The following PTPRG variants were observed in gnomAD, a reference collection of about 807,000 sequenced individuals.
The protein encoded by PTPRG is protein tyrosine phosphatase receptor type G.
Under a neutral mutation model 165.3 loss-of-function variants are expected in PTPRG, and 102 were observed. That is an observed-to-expected ratio of 0.62 (90% CI 0.53 to 0.73). The LOEUF is 0.73. Among genes scored for constraint, PTPRG ranks in the 30% least tolerant of loss-of-function variants. The pLI, the probability that PTPRG is intolerant of heterozygous loss-of-function variation, is 0.00. For missense variants in PTPRG, 1,866 were observed against 1,861.4 expected (o/e 1.00, Z -0.05); for synonymous variants, 675 against 669.5 (o/e 1.01, Z -0.13).
intron 2 of PTPRG, among the ~76,000 whole-genome samples, chr3:61,922,039 T>C (rs976509681): frequency 6.6e-6 from 1 of 152,184 alleles, no homozygotes; most frequent in Non-Finnish European, 1.5e-5. Context: ...GAAATGTAAA[T>C]TTTACTCAGT....
intron 2 of PTPRG, among the ~76,000 whole-genome samples, chr3:61,941,600 G>A (rs1396613338): frequency 1.3e-5 from 2 of 150,072 alleles, no homozygotes; most frequent in Non-Finnish European, 2.9e-5. Flanking sequence ...CAGCCTGGGC[G>A]ACAAGCAAAA....
At chr3:61,832,980 T>C (rs770700331) in intron 2 of PTPRG, among the ~76,000 whole-genome samples, 1 of 152,174 alleles carries the variant, frequency 6.6e-6, no homozygotes, top group Non-Finnish European at 1.5e-5. Flanking sequence ...TCCTGAGTTA[T>C]ATCACTTAGA....
chr3:61,949,010 G>C (rs1412834008), intron 2 of PTPRG, among the ~76,000 whole-genome samples: 2 of 99,814 alleles, frequency 2.0e-5, no homozygotes, highest in Non-Finnish European at 4.8e-5. Flanking sequence ...CCAAGGAAAA[G>C]AGAGAAGGCA....
At chr3:61,959,534 C>T (rs1196845903) in intron 2 of PTPRG, among the ~76,000 whole-genome samples, 1 of 152,208 alleles carries the variant, frequency 6.6e-6, no homozygotes, top group Non-Finnish European at 1.5e-5. Context: ...AGGCGGAGCT[C>T]AGGCAGTAAT....
At position 62,265,896 on chromosome 3, in the gene PTPRG, T is replaced by C. The variant is rs75754920; in HGVS notation, c.2657-1514T>C. 9.0e-3 allele frequency among the ~76,000 whole-genome samples: 1,169 copies of C among 130,608 alleles called. 13 individuals carry two copies. Among genetic ancestry groups the C allele is most frequent in the African/African-American group, 0.013 (461 of 34,436 alleles). The allele number at this position is 130,608 out of a possible 152,430, so 85.7% of individuals were successfully genotyped here. On this transcript the variant is annotated intron_variant, in intron 17 of 29. Transcript: ENST00000474889. ...CACACGTATACATCTGTGCCTTATATACACACACACACACACACACACACA... is the reference window on the plus strand; with the variant it reads ...CACACGTATACATCTGTGCCTTATACACACACACACACACACACACACACA...
chr3:62,131,362 T>G (rs867553968), intron 5 of PTPRG, among the ~76,000 whole-genome samples: 1 of 152,120 alleles, frequency 6.6e-6, no homozygotes, highest in Non-Finnish European at 1.5e-5. Context: ...TTAGGAGAGA[T>G]GGAAGTGTGT....
chr3:62,146,301 A>G lies in PTPRG; in HGVS notation c.683-10766A>G, dbSNP rs558235549. ...ACCTCTAATAAAGTTGGAGGAGGCT[A>G]GATGTCTTAGATGTCTTTGAACCCT... is the stretch of plus-strand genomic sequence containing the variant. On this transcript the variant is annotated intron_variant, in intron 6 of 29. Transcript: ENST00000474889. Among the ~76,000 whole-genome samples, 3 of 152,328 alleles carry G rather than the reference A, an allele frequency of 2.0e-5. No homozygotes were observed. In the South Asian group the frequency reaches 6.2e-4, roughly 32 times the overall value.
At chr3:61,807,803 A>G (rs979347022) in intron 2 of PTPRG, among the ~76,000 whole-genome samples, 2 of 152,116 alleles carry the variant, frequency 1.3e-5, no homozygotes, top group Non-Finnish European at 2.9e-5. Flanking sequence ...GAGACTATTT[A>G]TTCCATTCTT....
intron 5 of PTPRG, among the ~76,000 whole-genome samples, chr3:62,110,547 A>G (rs1443121423): frequency 1.3e-5 from 2 of 152,264 alleles, no homozygotes; most frequent in East Asian, 1.9e-4. Flanking sequence ...TTTAAAAAAA[A>G]AAAAAAGGAA....
chr3:61,563,536 G>C (rs1466651098), intron 1 of PTPRG, among the ~76,000 whole-genome samples: 1 of 152,170 alleles, frequency 6.6e-6, no homozygotes, highest in South Asian at 2.1e-4. Context: ...CCCGGGGAAG[G>C]GCTGGAAGAA....
intron 4 of PTPRG, among the ~76,000 whole-genome samples, chr3:62,064,526 CTATT>C (rs924207822): frequency 9.9e-5 from 15 of 152,030 alleles, no homozygotes; most frequent in African/African-American, 3.6e-4. Context: ...TACCATTCTC[CTATT>C]TATTATGCAT....
intron 2 of PTPRG, among the ~76,000 whole-genome samples, chr3:61,906,048 T>A (rs2038640209): frequency 2.0e-5 from 3 of 152,216 alleles, no homozygotes; most frequent in South Asian, 4.1e-4. Context: ...TAGGTTTTTT[T>A]AGCTCTAAAA....
intron 2 of PTPRG, among the ~76,000 whole-genome samples, chr3:61,759,837 A>G (rs1056717325): frequency 1.3e-5 from 2 of 151,562 alleles, no homozygotes; most frequent in Non-Finnish European, 2.9e-5. Flanking sequence ...TGAGTTTTGT[A>G]CTAATAGGTC....
intron 23 of PTPRG, among the ~76,000 whole-genome samples, chr3:62,275,494 G>A (rs1260275500): frequency 3.3e-5 from 5 of 152,302 alleles, no homozygotes; most frequent in Non-Finnish European, 5.9e-5. Context: ...GTCACTGAGA[G>A]AAGTACCACT....
At chr3:61,582,058 A>G (rs557210424) in intron 1 of PTPRG, among the ~76,000 whole-genome samples, 113 of 151,836 alleles carry the variant, frequency 7.4e-4, no homozygotes, top group Non-Finnish European at 1.5e-3. Flanking sequence ...ACCTCCCCCT[A>G]CTGGGCTCAA....
At chr3:62,161,555 G>A (rs189770644) in intron 7 of PTPRG, among the ~76,000 whole-genome samples, 145 of 152,308 alleles carry the variant, frequency 9.5e-4, no homozygotes, top group Middle Eastern at 3.4e-3. Flanking sequence ...AACACATGAC[G>A]TGCAGTGCAT....
At chr3:62,263,722 C>T (rs1213614801) in intron 17 of PTPRG, 2 of 152,170 alleles carry the variant, frequency 1.3e-5, no homozygotes, top group African/African-American at 2.4e-5. Flanking sequence ...ATGAAATTTA[C>T]CCATTTAAGG....
chr3:62,247,528 C>A (rs368720612), intron 15 of PTPRG, among the ~76,000 whole-genome samples: 1 of 152,056 alleles, frequency 6.6e-6, no homozygotes, highest in Non-Finnish European at 1.5e-5. Context: ...CTTGGGTTGA[C>A]ATTTTCCCCA....
chr3:62,188,202 C>T (rs150466209), intron 8 of PTPRG, among the ~76,000 whole-genome samples: 410 of 152,000 alleles, frequency 2.7e-3, no homozygotes, highest in African/African-American at 9.2e-3. Flanking sequence ...AGTGAAACCC[C>T]GTCTCTATTT....
Sources: gnomAD v4.1 joint callset for allele counts (sites outside exome capture counted in the v4.1 genomes callset) on GRCh38, gnomAD v4.1.1 for gene constraint, MANE v1.5 for transcripts, NCBI Gene and HGNC (gene_info 2026-07-23, HGNC 2026-07-21) for gene names.